The following KPNB1 variants were observed in gnomAD, a reference collection of about 807,000 sequenced individuals.
KPNB1 encodes the protein importin subunit beta-1.
KPNB1 carries 7 observed loss-of-function variants against 113.0 expected under a neutral mutation model. The observed-to-expected ratio is 0.06, with a 90% CI of 0.04 to 0.12. The LOEUF is 0.12. Among genes scored for constraint, KPNB1 ranks in the 10% least tolerant of loss-of-function variants. The probability of loss-of-function intolerance (pLI) is 1.00; values close to 1 mark genes in which losing one functional copy is unlikely to be tolerated. For missense variants in KPNB1, 400 were observed against 1,054.8 expected, an observed-to-expected ratio of 0.38 and a Z score of 8.60; for synonymous variants, 363 against 378.6, an observed-to-expected ratio of 0.96 and a Z score of 0.48.
At chr17:47,675,361 G>GGTTTTTTT (rs2030566469) in intron 15 of KPNB1, among the ~76,000 whole-genome samples, 1 of 88,692 alleles carries the variant, frequency 1.1e-5, no homozygotes. Flanking sequence ...CAGAGGTGTT[G>GGTTTTTTT]TTTTTTTTTT....
At position 47,652,803 on chromosome 17, in the gene KPNB1, C is replaced by T; in HGVS notation, c.209C>T (p.Pro70Leu). 2 of 1,612,028 alleles carry T rather than the reference C, an allele frequency of 1.2e-6. No individual in the cohort carries two copies. The highest frequency in any genetic ancestry group is 1.7e-6 in the Non-Finnish European group (2 of 1,179,248). The change falls in exon 3 of 22, where the codon CCA (proline) becomes CTA (leucine). Residue 70 changes from proline (P) to leucine (L), a missense_variant. Around this residue, in one of 2 missense-constraint regions of KPNB1, gnomAD observed 285 missense variants for 627.0 expected, o/e 0.45. Coordinates refer to ENST00000290158, the MANE Select transcript of KPNB1 (RefSeq NM_002265.6). ...QIKNSLTSKD[P>L]DIKAQYQQRW... ...AAGAACTCTTTGACATCTAAAGATC[C>T]AGATATCAAGGCACAATATCAGCAG... is the stretch of plus-strand genomic sequence containing the variant.
In KPNB1 at chr17:47,652,681, C is replaced by T. The variant is rs757445446; in HGVS notation, c.100-13C>T. 3.6e-5 allele frequency: 55 copies of T among 1,519,272 alleles called. No homozygotes were observed. Among genetic ancestry groups the T allele is most frequent in the Non-Finnish European group, 4.8e-5 (54 of 1,136,034 alleles). The allele number at this position is 1,519,272 out of a possible 1,614,324, so 94.1% of individuals were successfully genotyped here. A position where few individuals can be genotyped will look rare whatever the true frequency, so the allele number is the denominator to read the frequency against. Reference sequence around the variant, plus strand: ...AAGATATTTTTATTTACAAATTTATCTTCCCTTAACAGCCCACTTTCCTTG... The same window carrying T: ...AAGATATTTTTATTTACAAATTTATTTTCCCTTAACAGCCCACTTTCCTTG... On this transcript the variant is annotated splice_polypyrimidine_tract_variant and intron_variant, in intron 2 of 21. Coordinates refer to ENST00000290158, the MANE Select transcript of KPNB1 (RefSeq NM_002265.6).
chr17:47,681,094 CAG>C (rs1432641755), intron 21 of KPNB1, among the ~76,000 whole-genome samples: 25 of 151,168 alleles, frequency 1.7e-4, no homozygotes, highest in Admixed American at 1.1e-3. Context: ...CTTTTTGAGA[CAG>C]AGTCTCACTG....
At chr17:47,670,636 A>G in intron 11 of KPNB1, 66 bp from the exon 12 acceptor site, 1 of 1,489,822 alleles carries the variant, frequency 6.7e-7, no homozygotes, top group Non-Finnish European at 9.1e-7. Flanking sequence ...TATCTTAATG[A>G]AAAATGAGAT....
intron 2 of KPNB1, among the ~76,000 whole-genome samples, chr17:47,651,968 T>C (rs1275183920): frequency 1.3e-5 from 2 of 152,252 alleles, no homozygotes; most frequent in South Asian, 2.1e-4. Context: ...TACAAAGTTA[T>C]TTTGCTTGAA....
At chr17:47,665,302 C>G (rs981249689) in intron 9 of KPNB1, 144 bp downstream of exon 9, 4 of 655,952 alleles carry the variant, frequency 6.1e-6, no homozygotes, top group Admixed American at 2.5e-5. Context: ...TAAGCTGCAT[C>G]TATAAGATCC....
At chr17:47,670,909 T>A (rs1440606004) in intron 12 of KPNB1, 77 bp downstream of exon 12, 2 of 1,273,642 alleles carry the variant, frequency 1.6e-6, no homozygotes, top group South Asian at 1.3e-5. Context: ...GATATCTAGC[T>A]TAATCATAGA....
At chr17:47,666,300 G>A (rs570418247) in intron 9 of KPNB1, among the ~76,000 whole-genome samples, 13 of 151,658 alleles carry the variant, frequency 8.6e-5, no homozygotes, top group East Asian at 1.9e-4. Flanking sequence ...TGATCCGCCC[G>A]CCTCAGCTTC....
rs2030396607 is a variant in KPNB1 at position 47,669,839 on chromosome 17, T to C, written c.1386T>C (p.Ala462=). 3 of 1,611,642 alleles carry C rather than the reference T, an allele frequency of 1.9e-6. No individual in the cohort carries two copies. The Admixed American group carries it at 5.0e-5, about 27-fold the overall frequency. ...LLQCLIEGLS[A]EPRVASNVCW... is the part of the protein sequence containing the mutation. ...AGTGTCTGATTGAGGGTCTCAGTGC[T>C]GAACCCAGAGTGGCTTCAAATGTGT... The change falls in exon 11 of 22, where the codon GCT becomes GCC. Residue 462 remains alanine, a synonymous_variant. Coordinates refer to ENST00000290158, the MANE Select transcript of KPNB1 (RefSeq NM_002265.6).
At position 47,650,438 on chromosome 17, in the gene KPNB1, G is replaced by A. The variant is rs923571522; in HGVS notation, c.93G>A (p.Glu31=). 1.2e-5 allele frequency: 19 copies of A among 1,603,000 alleles called. No homozygotes were observed. Among genetic ancestry groups the A allele is most frequent in the African/African-American group, 2.7e-5 (2 of 74,662 alleles). ...AQKFLERAAV[E]NLPTFLVELS... is the part of the protein sequence containing the mutation. ...AGTTCCTGGAGCGTGCGGCCGTGGA[G>A]AACCTGGTGCGTGCTACCCCGCCGC... is the stretch of plus-strand genomic sequence containing the variant. The change falls in exon 2 of 22, where the codon GAG becomes GAA. Residue 31 remains glutamate, a synonymous_variant. Coordinates refer to ENST00000290158, the MANE Select transcript of KPNB1 (RefSeq NM_002265.6).
chr17:47,652,400 T>G (rs1915606806), intron 2 of KPNB1, among the ~76,000 whole-genome samples: 1 of 152,042 alleles, frequency 6.6e-6, no homozygotes, highest in Non-Finnish European at 1.5e-5. Flanking sequence ...AATTCGGGGG[T>G]CTAACATGAC....
Position 47,650,424 on chromosome 17 carries a change from C to A in KPNB1, c.79C>A (p.Arg27Ser). ...ELEAAQKFLERAAVENLPTFL... is the reference protein window; with the variant it reads ...ELEAAQKFLESAAVENLPTFL... ...GGAAGCGGCGCAGAAGTTCCTGGAG[C>A]GTGCGGCCGTGGAGAACCTGGTGCG... is the stretch of plus-strand genomic sequence containing the variant. The change falls in exon 2 of 22, where the codon CGT (arginine) becomes AGT (serine). Residue 27 changes from arginine to serine, a missense_variant. Physicochemically the swap from Arg to Ser is moderately radical, Grantham distance 110 (BLOSUM62 -1). Coordinates refer to ENST00000290158, the MANE Select transcript of KPNB1 (RefSeq NM_002265.6). The A allele has an allele frequency of 1.2e-6, 2 of 1,607,668 alleles. No individual in the cohort carries two copies. The highest frequency in any genetic ancestry group is 1.1e-5 in the South Asian group (1 of 90,508).
At position 47,683,493 on chromosome 17, in the gene KPNB1, A is replaced by G. The variant is rs982461553; in HGVS notation, c.*1089A>G. 1 of 152,544 alleles carries G rather than the reference A, an allele frequency of 6.6e-6. No homozygotes were observed. The highest frequency in any genetic ancestry group is 1.5e-5 in the Non-Finnish European group (1 of 68,036). The allele number at this position is 152,544 out of a possible 1,614,324, so 9.4% of individuals were successfully genotyped here. A position where few individuals can be genotyped will look rare whatever the true frequency, so the allele number is the denominator to read the frequency against. Reference sequence around the variant, plus strand: ...GTGGCAGTCTGAACGCCCCCAGAAAATTGTGCCAAAGAGTTTAGAAAAATA... The same window carrying G: ...GTGGCAGTCTGAACGCCCCCAGAAAGTTGTGCCAAAGAGTTTAGAAAAATA... On this transcript the variant is annotated 3_prime_UTR_variant, in exon 22 of 22. Coordinates refer to ENST00000290158, the MANE Select transcript of KPNB1 (RefSeq NM_002265.6).
At chr17:47,653,153 A>G (rs1296380721) in intron 3 of KPNB1, among the ~76,000 whole-genome samples, 1 of 152,144 alleles carries the variant, frequency 6.6e-6, no homozygotes, top group Non-Finnish European at 1.5e-5. Flanking sequence ...CTGTTTGGCA[A>G]ATGGGAGTAG....
chr17:47,662,718 C>T (rs1365357566), intron 6 of KPNB1, among the ~76,000 whole-genome samples: 2 of 152,006 alleles, frequency 1.3e-5, no homozygotes, highest in Admixed American at 1.3e-4. Context: ...CCCGTCTCTA[C>T]TAAAAATACA....
At chr17:47,681,801 C>T (rs1261654573) in intron 21 of KPNB1, among the ~76,000 whole-genome samples, 2 of 149,892 alleles carry the variant, frequency 1.3e-5, no homozygotes, top group East Asian at 2.0e-4. Flanking sequence ...CAGGTGTGCA[C>T]CACCACACCA....
rs1356586250 is a variant in KPNB1, at chr17:47,669,667, T to G, written c.1225-11T>G. On this transcript the variant is annotated splice_polypyrimidine_tract_variant and intron_variant, in intron 10 of 21. Coordinates refer to ENST00000290158, the MANE Select transcript of KPNB1 (RefSeq NM_002265.6). ...TTTGTTTTGCTTTGCTAATAACTGT[T>G]ATATTTTCAGGCTATGCCCACCCTA... The G allele has an allele frequency of 1.9e-6, 3 of 1,574,522 alleles. No homozygotes were observed. In the African/African-American group the frequency reaches 4.0e-5, roughly 21 times the overall value.
Sources: allele counts gnomAD v4.1 joint callset (sites outside exome capture counted in the v4.1 genomes callset), GRCh38; gene constraint gnomAD v4.1.1; regional missense constraint gnomAD v4.1.1; transcripts MANE v1.5; gene names NCBI Gene and HGNC (gene_info 2026-07-23, HGNC 2026-07-21).